The following UBE3A variants were observed in gnomAD, a reference collection of about 807,000 sequenced individuals.
UBE3A encodes the protein ubiquitin protein ligase E3A, also known as ubiquitin-protein ligase E3A.
In UBE3A, 6 loss-of-function variants were observed where a neutral mutation model predicts 83.4. The ratio of observed to expected loss-of-function variants is 0.07; its 90% CI spans 0.04 to 0.14. UBE3A has a LOEUF of 0.14. Ranked by LOEUF, UBE3A falls within the 10% of genes least tolerant of loss-of-function variation. The probability of loss-of-function intolerance (pLI) is 1.00; values close to 1 mark genes in which losing one functional copy is unlikely to be tolerated. For missense variants in UBE3A, 456 were observed against 1,036.1 expected (o/e 0.44, Z 7.69); for synonymous variants, 337 against 355.4 (o/e 0.95, Z 0.58).
chr15:25,354,424 A>T lies in UBE3A; in HGVS notation c.2283T>A (p.Asn761Lys), dbSNP rs1262350457. ...EIELLICGSR[N>K]LDFQALEETT... ...TTTCTTCTAGTGCTTGGAAATCTAG[A>T]TTCTGCAAATTCAAGAAAATATGTC... The change falls in exon 11 of 13, where the codon AAT becomes AAA. Residue 761 changes from asparagine (N) to lysine (K), a missense_variant and splice_region_variant. By Grantham distance (94) the Asn-to-Lys change is moderately conservative. Transcript: ENST00000648336. 6.2e-7 allele frequency: 1 copy of T among 1,613,908 alleles called. No individual in the cohort carries two copies. The highest frequency in any genetic ancestry group is 1.7e-5 in the Admixed American group (1 of 60,018).
chr15:25,368,737 CT>C (rs1337439329), intron 6 of UBE3A, among the ~76,000 whole-genome samples: 1 of 152,002 alleles, frequency 6.6e-6, no homozygotes, highest in Non-Finnish European at 1.5e-5. Flanking sequence ...CAGTTGTTTC[CT>C]TAAAATTCTA....
intron 1 of UBE3A, among the ~76,000 whole-genome samples, chr15:25,433,332 C>T (rs1894049300): frequency 6.6e-6 from 1 of 151,978 alleles, no homozygotes; most frequent in Admixed American, 6.6e-5. Context: ...TACAGGCATG[C>T]GCCACCACGT....
intron 11 of UBE3A, chr15:25,346,348 A>T (rs1244002129): frequency 6.6e-6 from 1 of 152,420 alleles, no homozygotes; most frequent in East Asian, 1.9e-4. Context: ...AAGCCTCTGA[A>T]AAATGGTCAC....
chr15:25,437,464 G>T (rs55928350), intron 1 of UBE3A, among the ~76,000 whole-genome samples: 25 of 152,174 alleles, frequency 1.6e-4, no homozygotes, highest in Admixed American at 1.5e-3. Context: ...AAAAAAAACT[G>T]TAATAATTTG....
In UBE3A at chr15:25,337,179, A is replaced by G. The variant is rs556323965; in HGVS notation, c.*1958T>C. ...CCACTTTAAAACTTGTCATATGGATACGTTATTACAATTGTAGAACTTTAA... is the reference window on the plus strand; with the variant it reads ...CCACTTTAAAACTTGTCATATGGATGCGTTATTACAATTGTAGAACTTTAA... On this transcript the variant is annotated 3_prime_UTR_variant, in exon 13 of 13. Coordinates refer to ENST00000648336, the MANE Select transcript of UBE3A (RefSeq NM_130839.5). 30 of 152,326 alleles carry G rather than the reference A, an allele frequency of 2.0e-4. No individual in the cohort carries two copies. Among genetic ancestry groups the G allele is most frequent in the African/African-American group, 7.2e-4 (30 of 41,578 alleles). 9.4% of individuals were successfully genotyped at this position (152,326 alleles called of 1,614,324 possible). A position where few individuals can be genotyped will look rare whatever the true frequency, so the allele number is the denominator to read the frequency against.
chr15:25,422,812 C>CA lies in UBE3A; in HGVS notation c.-164-10842dup, dbSNP rs71418043. ...CAACACACTGAGATACGTTCTCTAC[C>CA]AAAAAAAAAAAAAAAAACCAACCAA... On this transcript the variant is annotated intron_variant, in intron 1 of 12. Coordinates refer to ENST00000648336, the MANE Select transcript of UBE3A (RefSeq NM_130839.5). Among the ~76,000 whole-genome samples the CA allele has an allele frequency of 0.057, 6,577 of 114,560 alleles. 188 individuals carry two copies. The highest frequency in any genetic ancestry group is 0.073 in the African/African-American group (2,280 of 31,090). 75.2% of individuals were successfully genotyped at this position (114,560 alleles called of 152,430 possible).
At chr15:25,398,771 T>TTATATATATATATATATATA (rs1159969391) in intron 4 of UBE3A, among the ~76,000 whole-genome samples, 4 of 68,946 alleles carry the variant, frequency 5.8e-5, no homozygotes, top group Non-Finnish European at 6.4e-5. Flanking sequence ...ATTCTTTTAT[T>TTATATATATATATATATATA]TATATATATA....
intron 11 of UBE3A, among the ~76,000 whole-genome samples, chr15:25,342,417 C>A (rs138387999): frequency 6.6e-6 from 1 of 151,752 alleles, no homozygotes; most frequent in Non-Finnish European, 1.5e-5. Flanking sequence ...TTAAACGAAA[C>A]CTTTAAAAAT....
Position 25,427,620 on chromosome 15 carries a change from A to C in UBE3A, c.-165+10869T>G, listed in dbSNP as rs969130664. On this transcript the variant is annotated intron_variant, in intron 1 of 12. Transcript: ENST00000648336. ...ATCTCTACAAAAAAAAAAAAAAAAA[A>C]AAAAAAAAAAACCCACAAAACTTAG... 5.4e-5 allele frequency among the ~76,000 whole-genome samples: 8 copies of C among 148,010 alleles called. No homozygotes were observed. The South Asian group carries it at 1.3e-3, about 23-fold the overall frequency.
chr15:25,401,764 T>C (rs572862580), intron 4 of UBE3A, among the ~76,000 whole-genome samples: 9 of 152,264 alleles, frequency 5.9e-5, no homozygotes, highest in African/African-American at 1.9e-4. Context: ...GAGTCATCTC[T>C]TTTTTCCTTA....
At chr15:25,410,959 T>C (rs905462442) in intron 2 of UBE3A, among the ~76,000 whole-genome samples, 3 of 152,198 alleles carry the variant, frequency 2.0e-5, no homozygotes, top group Admixed American at 6.5e-5. Context: ...TAACTTTCCA[T>C]CTTGTAAACA....
chr15:25,422,598 A>T (rs541746999), intron 1 of UBE3A, among the ~76,000 whole-genome samples: 1 of 152,292 alleles, frequency 6.6e-6, no homozygotes, highest in East Asian at 1.9e-4. Flanking sequence ...ATATCATACC[A>T]TATCCAAAAA....
intron 6 of UBE3A, among the ~76,000 whole-genome samples, chr15:25,364,637 T>G (rs71395087): frequency 0.12 from 17,214 of 141,608 alleles, 1,096 homozygotes; most frequent in Middle Eastern, 0.22. Flanking sequence ...TTAGGGTTTT[T>G]TTTGTTTGTT....
intron 9 of UBE3A, among the ~76,000 whole-genome samples, chr15:25,354,957 A>G (rs909615316): frequency 2.0e-5 from 3 of 152,164 alleles, no homozygotes; most frequent in African/African-American, 7.2e-5. Flanking sequence ...CAATTTCACA[A>G]TTCTCTGTTA....
chr15:25,399,263 C>CA (rs1302574240), intron 4 of UBE3A, among the ~76,000 whole-genome samples: 5 of 151,772 alleles, frequency 3.3e-5, no homozygotes, highest in Non-Finnish European at 7.4e-5. Context: ...GGGTCATATC[C>CA]AAAAAAATCA....
intron 9 of UBE3A, among the ~76,000 whole-genome samples, 199 bp downstream of exon 9, chr15:25,355,693 G>A (rs1206512502): frequency 1.3e-5 from 2 of 151,956 alleles, no homozygotes; most frequent in Non-Finnish European, 2.9e-5. Flanking sequence ...TCTCTAAAAG[G>A]GGCTTTAGTG....
At chr15:25,428,132 G>A (rs1891958091) in intron 1 of UBE3A, among the ~76,000 whole-genome samples, 1 of 151,938 alleles carries the variant, frequency 6.6e-6, no homozygotes, top group Non-Finnish European at 1.5e-5. Context: ...TATTATTGCT[G>A]AACTGTACAC....
intron 4 of UBE3A, chr15:25,393,962 C>T (rs1018666626): frequency 6.6e-6 from 1 of 152,194 alleles, no homozygotes; most frequent in Admixed American, 6.5e-5. Context: ...TACTGCAATA[C>T]GGAACTTCTT....
chr15:25,351,642 G>C (rs1274252620), intron 11 of UBE3A, among the ~76,000 whole-genome samples: 1 of 152,102 alleles, frequency 6.6e-6, no homozygotes, highest in African/African-American at 2.4e-5. Flanking sequence ...GCTAATTTTT[G>C]TATTTTTAGT....
Sources: gnomAD v4.1 joint callset for allele counts (sites outside exome capture counted in the v4.1 genomes callset) on GRCh38, gnomAD v4.1.1 for gene constraint, MANE v1.5 for transcripts, NCBI Gene and HGNC (gene_info 2026-07-23, HGNC 2026-07-21) for gene names.